Variants in MATCAP2 observed in about 807,000 individuals in gnomAD.
MATCAP2 encodes the protein putative tyrosine carboxypeptidase MATCAP2.
the MATCAP2 span, among the ~76,000 whole-genome samples, chr7:36,332,345 G>T: frequency 6.6e-6 from 1 of 152,136 alleles, no homozygotes; most frequent in South Asian, 2.1e-4. Flanking sequence ...TTTCAGGTTA[G>T]TTCAGTATAT....
the MATCAP2 span, among the ~76,000 whole-genome samples, chr7:36,342,930 A>G: frequency 1.2e-4 from 19 of 152,126 alleles, no homozygotes; most frequent in Admixed American, 3.9e-4. Flanking sequence ...CCAGCCACAG[A>G]TGAGTAATTT....
chr7:36,339,843 T>C, the MATCAP2 span, among the ~76,000 whole-genome samples: 4 of 152,224 alleles, frequency 2.6e-5, no homozygotes, highest in African/African-American at 9.7e-5. Flanking sequence ...TTATAGATAT[T>C]TTTTTTATTT....
At chr7:36,377,448 T>C in the MATCAP2 span, among the ~76,000 whole-genome samples, 1 of 151,996 alleles carries the variant, frequency 6.6e-6, no homozygotes, top group Non-Finnish European at 1.5e-5. Context: ...TTCTGGCTTG[T>C]AGAGTTTCTG....
chr7:36,350,592 T>C, the MATCAP2 span, among the ~76,000 whole-genome samples: 1 of 149,198 alleles, frequency 6.7e-6, no homozygotes, highest in South Asian at 2.1e-4. Flanking sequence ...TGTAGTGCAA[T>C]GGCATGATCT....
the MATCAP2 span, among the ~76,000 whole-genome samples, chr7:36,348,700 C>T: frequency 1.3e-5 from 2 of 151,994 alleles, no homozygotes; most frequent in African/African-American, 4.8e-5. Flanking sequence ...TAAACAGATC[C>T]AATGTAGTAA....
chr7:36,339,730 C>G, the MATCAP2 span, among the ~76,000 whole-genome samples: 1 of 152,154 alleles, frequency 6.6e-6, no homozygotes, highest in Admixed American at 6.5e-5. Flanking sequence ...CAAATGTGGC[C>G]TGAAGAATTG....
chr7:36,368,257 T>C, the MATCAP2 span: 1 of 152,158 alleles, frequency 6.6e-6, no homozygotes. Flanking sequence ...AGTTAAATTT[T>C]CTCTTCATCC....
At chr7:36,373,023 T>C in the MATCAP2 span, among the ~76,000 whole-genome samples, 2 of 151,552 alleles carry the variant, frequency 1.3e-5, no homozygotes, top group Non-Finnish European at 2.9e-5. Context: ...GAGGATTGCT[T>C]GAATCCCAGG....
the MATCAP2 span, among the ~76,000 whole-genome samples, chr7:36,383,022 T>A: frequency 6.6e-6 from 1 of 152,226 alleles, no homozygotes; most frequent in Admixed American, 6.5e-5. Flanking sequence ...TGCCTGTAGT[T>A]GCACTGGTTT....
chr7:36,384,672 G>A, the MATCAP2 span, among the ~76,000 whole-genome samples: 1 of 152,166 alleles, frequency 6.6e-6, no homozygotes, highest in Non-Finnish European at 1.5e-5. Context: ...CAGAGAAGAC[G>A]GGGGTGGCCA....
At chr7:36,356,861 G>C in the MATCAP2 span, 1 of 1,442,328 alleles carries the variant, frequency 6.9e-7, no homozygotes, top group Non-Finnish European at 9.8e-7. Context: ...AATTGTTTTA[G>C]TACATAAAAA....
chr7:36,363,335 A>G, the MATCAP2 span, among the ~76,000 whole-genome samples: 1 of 152,234 alleles, frequency 6.6e-6, no homozygotes, highest in Non-Finnish European at 1.5e-5. Flanking sequence ...TATATCACAT[A>G]CAAAATAAAG....
chr7:36,356,902 C>G, the MATCAP2 span: 1 of 1,613,370 alleles, frequency 6.2e-7, no homozygotes, highest in Non-Finnish European at 8.5e-7. Context: ...GGCATTTTAC[C>G]TGCTTAAGAA....
chr7:36,379,291 G>A, the MATCAP2 span, among the ~76,000 whole-genome samples: 3 of 152,212 alleles, frequency 2.0e-5, no homozygotes, highest in African/African-American at 7.2e-5. Flanking sequence ...GATCACCTGG[G>A]GAGTGTACGA....
the MATCAP2 span, chr7:36,357,727 A>C: frequency 1.5e-6 from 1 of 658,562 alleles, no homozygotes; most frequent in Non-Finnish European, 2.5e-6. Context: ...AACATTTTAA[A>C]TATTAAAAGG....
At chr7:36,352,020 C>T in the MATCAP2 span, among the ~76,000 whole-genome samples, 4 of 151,036 alleles carry the variant, frequency 2.6e-5, no homozygotes, top group Non-Finnish European at 4.4e-5. Flanking sequence ...AGACATCTAT[C>T]GATATCAAAT....
the MATCAP2 span, among the ~76,000 whole-genome samples, chr7:36,379,825 C>G: frequency 7.0e-6 from 1 of 141,938 alleles, no homozygotes; most frequent in South Asian, 2.4e-4. Flanking sequence ...CACACACACA[C>G]ACACACACAC....
At chr7:36,338,704 T>C in the MATCAP2 span, among the ~76,000 whole-genome samples, 1 of 152,198 alleles carries the variant, frequency 6.6e-6, no homozygotes, top group Non-Finnish European at 1.5e-5. Context: ...CATCTCAGCC[T>C]CCCAAAATGC....
chr7:36,374,447 C>T, the MATCAP2 span, among the ~76,000 whole-genome samples: 5 of 152,102 alleles, frequency 3.3e-5, no homozygotes, highest in South Asian at 4.1e-4. Flanking sequence ...GCCTTGGCAT[C>T]GCTGAGGAGA....
Sources: gnomAD v4.1 joint callset for allele counts (sites outside exome capture counted in the v4.1 genomes callset) on GRCh38, gnomAD v4.1.1 for gene constraint, MANE v1.5 for transcripts, NCBI Gene and HGNC (gene_info 2026-07-23, HGNC 2026-07-21) for gene names.